Variants in JADE2 observed in about 807,000 individuals in gnomAD.
JADE2 encodes jade family PHD finger 2.
In JADE2, 13 loss-of-function variants were observed where a neutral mutation model predicts 85.7. The ratio of observed to expected loss-of-function variants is 0.15; its 90% CI spans 0.10 to 0.24. The LOEUF (loss-of-function observed/expected upper bound fraction) is 0.24. Among genes scored for constraint, JADE2 ranks in the 10% least tolerant of loss-of-function variants. The pLI, the probability that JADE2 is intolerant of heterozygous loss-of-function variation, is 1.00. For synonymous variants in JADE2, 440 were observed against 456.1 expected (o/e 0.96, Z 0.45); for missense variants, 846 against 1,115.9 (o/e 0.76, Z 3.45).
rs772379077 is a variant in JADE2, at chr5:134,552,255, A to C, written c.311+46A>C. The C allele has an allele frequency of 3.2e-6, 5 of 1,569,998 alleles. No individual in the cohort carries two copies. In the South Asian group the frequency reaches 5.7e-5, roughly 18 times the overall value. On this transcript the variant is annotated intron_variant, in intron 4 of 11. Transcript: ENST00000681547. ...TAGGGGGCCATTGGGACAGGGGAGGAAGGGGAGGCTGCTTTCCAGGTTAGG... is the reference window on the plus strand; with the variant it reads ...TAGGGGGCCATTGGGACAGGGGAGGCAGGGGAGGCTGCTTTCCAGGTTAGG...
chr5:134,530,316 G>C (rs1366534404), intron 1 of JADE2, among the ~76,000 whole-genome samples: 1 of 152,254 alleles, frequency 6.6e-6, no homozygotes. Flanking sequence ...CTCAGACAGG[G>C]AGAGTTTTTG....
chr5:134,526,856 A>G, intron 1 of JADE2: 1 of 747,792 alleles, frequency 1.3e-6, no homozygotes, highest in Non-Finnish European at 1.6e-6. Context: ...AGCTGGGGAG[A>G]GGCGCTGGGA....
At chr5:134,563,364 T>C (rs1763444736) in intron 7 of JADE2, among the ~76,000 whole-genome samples, 1 of 150,036 alleles carries the variant, frequency 6.7e-6, no homozygotes. Context: ...GGAAGTTGGC[T>C]AGTGGGCCTG....
chr5:134,533,516 G>C, intron 1 of JADE2: 1 of 985,182 alleles, frequency 1.0e-6, no homozygotes, highest in Non-Finnish European at 1.2e-6. Context: ...TGTGGGAGAT[G>C]CTGGCTCGGA....
At position 134,578,318 on chromosome 5, in the gene JADE2, T is replaced by C. The variant is rs1764510501; in HGVS notation, c.1682-176T>C. ...TGGAGAGAAGCGTATAAGTAGTCCC[T>C]ACTCTTTGGTGGTGTTGGCAGGAGG... On this transcript the variant is annotated intron_variant, in intron 11 of 11. Coordinates refer to ENST00000681547, the MANE Select transcript of JADE2 (RefSeq NM_001388185.1). The surrounding 1 kb of genome is among the most constrained non-coding windows in gnomAD (Gnocchi z 4.4). 6.6e-6 allele frequency among the ~76,000 whole-genome samples: 1 copy of C among 152,212 alleles called. No individual in the cohort carries two copies. Among genetic ancestry groups the C allele is most frequent in the African/African-American group, 2.4e-5 (1 of 41,454 alleles).
At chr5:134,537,486 G>A (rs1761667770) in intron 2 of JADE2, among the ~76,000 whole-genome samples, 1 of 152,114 alleles carries the variant, frequency 6.6e-6, no homozygotes, top group Non-Finnish European at 1.5e-5. Context: ...GGCTCAGCAA[G>A]ATTGAGTCAT....
At position 134,560,874 on chromosome 5, in the gene JADE2, G is replaced by T. The variant is rs1241082154; in HGVS notation, c.601G>T (p.Val201Phe). The T allele has an allele frequency of 6.2e-7, 1 of 1,614,230 alleles. No homozygotes were observed. Among genetic ancestry groups the T allele is most frequent in the South Asian group, 1.1e-5 (1 of 91,086 alleles). ...GGGCATCGAGTACGACGAGGATGTT[G>T]TCTGCGACGTGTGTCGCTCTCCTGA... ...GLGIEYDEDVVCDVCRSPEGE... is the reference protein window; with the variant it reads ...GLGIEYDEDVFCDVCRSPEGE... The change falls in exon 6 of 12, where the codon GTC becomes TTC. Residue 201 changes from valine to phenylalanine, a missense_variant. Val to Phe is a conservative substitution (Grantham distance 50). Around this residue, in one of 9 missense-constraint regions of JADE2, gnomAD observed 129 missense variants for 255.4 expected, o/e 0.51. Coordinates refer to ENST00000681547, the MANE Select transcript of JADE2 (RefSeq NM_001388185.1).
chr5:134,569,707 A>G (rs1464682215), intron 9 of JADE2, among the ~76,000 whole-genome samples: 1 of 152,156 alleles, frequency 6.6e-6, no homozygotes, highest in African/African-American at 2.4e-5. Flanking sequence ...CCAGAGGATG[A>G]TATGGGACAA....
rs200711315 is a variant in JADE2, at chr5:134,566,490, C to T, written c.1344C>T (p.Thr448=). ...ACCAGCCGCTGCTGACCCCCAAGAC[C>T]GACGAGGTGGACAACCTGGCCCAGC... is the stretch of plus-strand genomic sequence containing the variant. ...NANQPLLTPK[T]DEVDNLAQQE... is the part of the protein sequence containing the mutation. Residue 448 remains threonine (T), a synonymous_variant, in exon 9 of 12, where the codon ACC becomes ACT. Coordinates refer to ENST00000681547, the MANE Select transcript of JADE2 (RefSeq NM_001388185.1). The surrounding 1 kb of genome is among the most constrained non-coding windows in gnomAD (Gnocchi z 6.7). The T allele has an allele frequency of 2.5e-5, 41 of 1,611,908 alleles. No homozygotes were observed. The highest frequency in any genetic ancestry group is 2.0e-4 in the Admixed American group (12 of 59,672).
chr5:134,529,815 A>G (rs1761112014), intron 1 of JADE2, among the ~76,000 whole-genome samples: 1 of 152,216 alleles, frequency 6.6e-6, no homozygotes, highest in South Asian at 2.1e-4. Flanking sequence ...TGGGGCAAAG[A>G]GTAGGGTGAG....
chr5:134,555,372 C>T (rs915518252), intron 4 of JADE2, among the ~76,000 whole-genome samples: 5 of 152,228 alleles, frequency 3.3e-5, no homozygotes, highest in South Asian at 2.1e-4. Context: ...AGCCAGCTGA[C>T]GCCCTCCTCC....
Position 134,582,840 on chromosome 5 carries a change from G to A in JADE2, c.*3523G>A, listed in dbSNP as rs1402762668. 6.6e-6 allele frequency: 1 copy of A among 152,588 alleles called. No individual in the cohort carries two copies. The highest frequency in any genetic ancestry group is 2.4e-5 in the African/African-American group (1 of 41,454). 9.5% of individuals were successfully genotyped at this position (152,588 alleles called of 1,614,324 possible). On this transcript the variant is annotated 3_prime_UTR_variant, in exon 12 of 12. Coordinates refer to ENST00000681547, the MANE Select transcript of JADE2 (RefSeq NM_001388185.1). ...TGATGTGCCATTTGTTAATATACAA[G>A]AGAAATATTGAAAATATATTGAAAA...
chr5:134,530,123 G>A (rs1375396011), intron 1 of JADE2, among the ~76,000 whole-genome samples: 1 of 152,266 alleles, frequency 6.6e-6, no homozygotes, highest in Non-Finnish European at 1.5e-5. Flanking sequence ...AGGCATTAAA[G>A]TTAATGAGAG....
chr5:134,527,738 G>T (rs1424707998), intron 1 of JADE2, among the ~76,000 whole-genome samples: 1 of 151,946 alleles, frequency 6.6e-6, no homozygotes, highest in East Asian at 2.0e-4. Context: ...GGAGGCGCGC[G>T]CAACTCCCCT....
In JADE2 at chr5:134,552,411, C is replaced by T. The variant is rs183471449; in HGVS notation, c.311+202C>T. 1.1e-4 allele frequency among the ~76,000 whole-genome samples: 16 copies of T among 152,366 alleles called. No individual in the cohort carries two copies. In the East Asian group the frequency reaches 2.9e-3, roughly 27 times the overall value. ...GAGAGGCTAGGGGGTTGGGCTCGGG[C>T]TTGGCTATAGAGCCAGAATGCTTGC... On this transcript the variant is annotated intron_variant, in intron 4 of 11. Coordinates refer to ENST00000681547, the MANE Select transcript of JADE2 (RefSeq NM_001388185.1).
At chr5:134,549,441 A>G (rs1762479483) in intron 3 of JADE2, among the ~76,000 whole-genome samples, 1 of 152,194 alleles carries the variant, frequency 6.6e-6, no homozygotes, top group Admixed American at 6.5e-5. Context: ...TGGGTGGATC[A>G]CTTGAGGTCA....
chr5:134,561,406 G>A (rs1280028699), intron 6 of JADE2, among the ~76,000 whole-genome samples: 1 of 152,244 alleles, frequency 6.6e-6, no homozygotes, highest in African/African-American at 2.4e-5. Context: ...AGAGTGGATT[G>A]TTGCACGGAT....
intron 11 of JADE2, among the ~76,000 whole-genome samples, chr5:134,577,619 A>T (rs1764456401): frequency 6.6e-6 from 1 of 151,958 alleles, no homozygotes; most frequent in Admixed American, 6.6e-5. Context: ...TGAGCCCAGG[A>T]GGTTGAGGCT....
intron 3 of JADE2, among the ~76,000 whole-genome samples, chr5:134,548,440 T>A (rs976327816): frequency 1.3e-5 from 2 of 152,152 alleles, no homozygotes; most frequent in Non-Finnish European, 2.9e-5. Context: ...GAGGGGCTAA[T>A]AATAGATTAA....
Sources: allele counts gnomAD v4.1 joint callset (sites outside exome capture counted in the v4.1 genomes callset), GRCh38; gene constraint gnomAD v4.1.1; regional missense constraint gnomAD v4.1.1; non-coding constraint Gnocchi (gnomAD v3.1); transcripts MANE v1.5; gene names NCBI Gene and HGNC (gene_info 2026-07-23, HGNC 2026-07-21).